Variants in NLGN1 observed in about 807,000 individuals in gnomAD.
NLGN1 encodes neuroligin 1.
NLGN1 carries 12 observed loss-of-function variants against 65.5 expected under a neutral mutation model. That is an observed-to-expected ratio of 0.18 (90% CI 0.12 to 0.30). The LOEUF is 0.30. Ranked by LOEUF, NLGN1 falls within the 10% of genes least tolerant of loss-of-function variation. The pLI, the probability that NLGN1 is intolerant of heterozygous loss-of-function variation, is 1.00. For synonymous variants in NLGN1, 350 were observed against 359.5 expected, an observed-to-expected ratio of 0.97 and a Z score of 0.30; for missense variants, 750 against 1,007.1, an observed-to-expected ratio of 0.74 and a Z score of 3.46.
chr3:173,706,181 C>G (rs985445069), intron 3 of NLGN1, among the ~76,000 whole-genome samples: 5 of 152,094 alleles, frequency 3.3e-5, no homozygotes, highest in South Asian at 4.1e-4. Context: ...ATATACCTTT[C>G]CATACTTTTC....
At chr3:174,255,975 T>A (rs1042420876) in intron 4 of NLGN1, among the ~76,000 whole-genome samples, 4 of 152,102 alleles carry the variant, frequency 2.6e-5, no homozygotes, top group Admixed American at 2.0e-4. Context: ...AACAGAAAAT[T>A]TTTATTAAAA....
At chr3:173,603,753 GA>G (rs1217225910) in intron 2 of NLGN1, among the ~76,000 whole-genome samples, 1 of 152,022 alleles carries the variant, frequency 6.6e-6, no homozygotes, top group Non-Finnish European at 1.5e-5. Flanking sequence ...GAACTCATAT[GA>G]ATTTTCTTGT....
Position 174,270,125 on chromosome 3 carries a change from C to CTT in NLGN1, c.647-5175_647-5174dup, listed in dbSNP as rs10547985. Among the ~76,000 whole-genome samples the CTT allele has an allele frequency of 5.5e-3, 660 of 120,044 alleles. 6 individuals carry two copies. The highest frequency in any genetic ancestry group is 0.025 in the East Asian group (100 of 4,064). 78.8% of individuals were successfully genotyped at this position (120,044 alleles called of 152,430 possible). On this transcript the variant is annotated intron_variant, in intron 4 of 6. Transcript: ENST00000457714. ...TTCTCCCATTCTGTTGGTTTCCTTT[C>CTT]TTTTTTTTTTTTTTTTGATGTGCAG...
intron 1 of NLGN1, among the ~76,000 whole-genome samples, chr3:173,429,059 T>G (rs980814522): frequency 6.6e-6 from 1 of 152,158 alleles, no homozygotes; most frequent in Non-Finnish European, 1.5e-5. Context: ...CAATATTTTC[T>G]CTTACTATTT....
rs538512403 is a variant in NLGN1, at chr3:174,055,559, G to T, written c.647-219756G>T. Among the ~76,000 whole-genome samples the T allele has an allele frequency of 9.2e-5, 14 of 152,106 alleles. No individual in the cohort carries two copies. In the East Asian group the frequency reaches 2.3e-3, roughly 25 times the overall value. ...TTTAGATTTAACTTGTGGGATGTGTGAAATCATTAAAGATTTTAGGCACTC... is the reference window on the plus strand; with the variant it reads ...TTTAGATTTAACTTGTGGGATGTGTTAAATCATTAAAGATTTTAGGCACTC... On this transcript the variant is annotated intron_variant, in intron 4 of 6. Coordinates refer to ENST00000457714, the Ensembl canonical transcript of NLGN1.
intron 4 of NLGN1, among the ~76,000 whole-genome samples, chr3:173,986,335 T>C (rs1404642631): frequency 6.6e-6 from 1 of 151,732 alleles, no homozygotes; most frequent in African/African-American, 2.4e-5. Flanking sequence ...GGCATGGTGG[T>C]GCGTGCCTGT....
intron 1 of NLGN1, among the ~76,000 whole-genome samples, chr3:173,405,694 TAAGAA>T (rs1049970862): frequency 2.0e-5 from 3 of 152,016 alleles, no homozygotes; most frequent in African/African-American, 7.2e-5. Context: ...TAGCTAGTCT[TAAGAA>T]AAGAAATAAT....
chr3:173,692,444 C>T (rs944742341), intron 3 of NLGN1, among the ~76,000 whole-genome samples: 11 of 151,764 alleles, frequency 7.2e-5, no homozygotes, highest in Non-Finnish European at 1.3e-4. Context: ...TATGTGACCG[C>T]GATATAATAA....
intron 4 of NLGN1, among the ~76,000 whole-genome samples, chr3:174,156,238 T>C (rs1010138739): frequency 6.6e-6 from 1 of 151,936 alleles, no homozygotes; most frequent in African/African-American, 2.4e-5. Flanking sequence ...TTAAGCCAGT[T>C]AGCTGACTTA....
chr3:173,785,788 A>G (rs1781859540), intron 3 of NLGN1, among the ~76,000 whole-genome samples: 2 of 152,134 alleles, frequency 1.3e-5, no homozygotes, highest in Non-Finnish European at 2.9e-5. Context: ...AGTAGACCGT[A>G]CTGTTTCTTC....
intron 4 of NLGN1, among the ~76,000 whole-genome samples, chr3:174,122,117 G>C (rs941938137): frequency 6.6e-6 from 1 of 152,056 alleles, no homozygotes; most frequent in African/African-American, 2.4e-5. Flanking sequence ...AACATACCCT[G>C]TAGAGTTTTT....
intron 4 of NLGN1, among the ~76,000 whole-genome samples, chr3:174,149,821 A>T (rs568245153): frequency 2.6e-5 from 4 of 152,264 alleles, no homozygotes; most frequent in Admixed American, 1.3e-4. Flanking sequence ...GAGGTTGGGT[A>T]TTAAATTGGT....
intron 3 of NLGN1, among the ~76,000 whole-genome samples, chr3:173,702,338 G>C (rs563557650): frequency 1.3e-5 from 2 of 152,222 alleles, no homozygotes; most frequent in Admixed American, 1.3e-4. Context: ...GTTACTTCAC[G>C]ACAAGAATTT....
intron 4 of NLGN1, among the ~76,000 whole-genome samples, chr3:173,913,425 AG>A (rs1379077745): frequency 6.6e-6 from 1 of 152,222 alleles, no homozygotes; most frequent in African/African-American, 2.4e-5. Flanking sequence ...TAATGGCCAC[AG>A]GAACTAAGAG....
At chr3:173,396,915 C>G (rs989402304), upstream of NLGN1, among the ~76,000 whole-genome samples, 2 of 152,212 alleles carry the variant, frequency 1.3e-5, no homozygotes, top group Non-Finnish European at 2.9e-5. Flanking sequence ...ATGCGTCTCT[C>G]TTTCCCAGGC....
intron 2 of NLGN1, among the ~76,000 whole-genome samples, chr3:173,589,117 A>G (rs574943668): frequency 6.6e-6 from 1 of 152,336 alleles, no homozygotes; most frequent in Admixed American, 6.5e-5. Context: ...AATGCAGTTG[A>G]CATCTTAGGA....
At chr3:174,292,449 C>A in the NLGN1 span, among the ~76,000 whole-genome samples, 1 of 151,132 alleles carries the variant, frequency 6.6e-6, no homozygotes, top group African/African-American at 2.4e-5. Context: ...ACAGTGTGAG[C>A]ATCAATAAGG....
chr3:174,041,686 C>G (rs1290412231), intron 4 of NLGN1, among the ~76,000 whole-genome samples: 1 of 152,112 alleles, frequency 6.6e-6, no homozygotes, highest in Non-Finnish European at 1.5e-5. Flanking sequence ...TTTCATTTCT[C>G]TAATGATTAC....
chr3:173,432,831 G>C (rs1717429944), intron 1 of NLGN1, among the ~76,000 whole-genome samples: 1 of 151,996 alleles, frequency 6.6e-6, no homozygotes, highest in African/African-American at 2.4e-5. Context: ...TTATCTTTTA[G>C]AAGTCTCATT....
Sources: gnomAD v4.1 joint callset for allele counts (sites outside exome capture counted in the v4.1 genomes callset) on GRCh38, gnomAD v4.1.1 for gene constraint, MANE v1.5 for transcripts, NCBI Gene and HGNC (gene_info 2026-07-23, HGNC 2026-07-21) for gene names.